SEC61B: variants seen among roughly 807,000 people sequenced by gnomAD.
SEC61B encodes protein transport protein Sec61 subunit beta.
A neutral mutation model predicts 12.6 loss-of-function variants in SEC61B; 7 were observed. The observed-to-expected ratio is 0.55, with a 90% CI of 0.32 to 1.04. SEC61B has a LOEUF of 1.04. SEC61B is among the 50% of genes least tolerant of loss of function. SEC61B has a pLI of 0.05. For missense variants in SEC61B, 107 were observed against 130.1 expected (o/e 0.82, Z 0.86); for synonymous variants, 54 against 50.1 (o/e 1.08, Z -0.33).
intron 2 of SEC61B, among the ~76,000 whole-genome samples, chr9:99,223,339 A>C (rs563246156): frequency 0.055 from 8,314 of 151,668 alleles, 310 homozygotes; most frequent in Non-Finnish European, 0.079. Flanking sequence ...AAACAAAAAA[A>C]AAAAACCGGG....
In SEC61B at chr9:99,227,956, G is replaced by A. The variant is rs1828918307; in HGVS notation, c.159G>A (p.Gly53=). 2 of 1,614,142 alleles carry A rather than the reference G, an allele frequency of 1.2e-6. No homozygotes were observed. Among genetic ancestry groups the A allele is most frequent in the Non-Finnish European group, 1.7e-6 (2 of 1,180,004 alleles). The change falls in exon 3 of 4, where the codon GGG becomes GGA. Residue 53 remains glycine (G), a synonymous_variant. Transcript: ENST00000223641. The stretch of plus-strand genomic sequence containing the variant: ...GCCGCACAACCTCGGCAGGCACCGG[G>A]GGGATGTGGCGATTCTACACAGAAG... ...SAGRTTSAGT[G]GMWRFYTEDS...
intron 2 of SEC61B, among the ~76,000 whole-genome samples, chr9:99,226,263 ACT>A (rs78510294): frequency 0.011 from 1,721 of 152,064 alleles, 11 homozygotes; most frequent in Non-Finnish European, 0.019. Context: ...CCAGGACTGC[ACT>A]CTCCCACTCC....
At chr9:99,227,869 G>A in intron 2 of SEC61B, 30 bp from the exon 3 acceptor site, 1 of 1,498,370 alleles carries the variant, frequency 6.7e-7, no homozygotes, top group Non-Finnish European at 9.3e-7. Context: ...TTCCAGAAAA[G>A]GCCATTTGTA....
At position 99,222,554 on chromosome 9, in the gene SEC61B, G is replaced by A. The variant is rs375836072; in HGVS notation, c.12G>A (p.Pro4=). Residue 4 remains proline, a synonymous_variant, in exon 2 of 4, where the codon CCG becomes CCA. Transcript: ENST00000223641. ...CTTGTCTCCCTCTACAGCCTGGTCC[G>A]ACCCCCAGTGGCACTAACGTGGGAT... MPG[P]TPSGTNVGSS... The A allele has an allele frequency of 7.3e-5, 116 of 1,581,574 alleles. No homozygotes were observed. Among genetic ancestry groups the A allele is most frequent in the Non-Finnish European group, 9.7e-5 (113 of 1,164,012 alleles).
intron 3 of SEC61B, among the ~76,000 whole-genome samples, chr9:99,229,881 T>A (rs142799126): frequency 1.3e-5 from 2 of 152,252 alleles, no homozygotes; most frequent in East Asian, 1.9e-4. Context: ...AATTAAATTA[T>A]TTTTTGCTAT....
At chr9:99,228,575 C>T (rs1828926358) in intron 3 of SEC61B, among the ~76,000 whole-genome samples, 1 of 152,148 alleles carries the variant, frequency 6.6e-6, no homozygotes, top group Non-Finnish European at 1.5e-5. Flanking sequence ...GTCCAGGGAC[C>T]CCTGTCCCCA....
intron 2 of SEC61B, among the ~76,000 whole-genome samples, chr9:99,226,744 A>G (rs999663065): frequency 1.3e-5 from 2 of 152,114 alleles, no homozygotes; most frequent in Non-Finnish European, 2.9e-5. Context: ...CCGGTGACTG[A>G]GGGCTTCTCC....
chr9:99,228,804 G>A (rs1414687256), intron 3 of SEC61B, among the ~76,000 whole-genome samples: 1 of 152,230 alleles, frequency 6.6e-6, no homozygotes, highest in African/African-American at 2.4e-5. Flanking sequence ...CCAGTGAGGT[G>A]AGAGATGTTA....
chr9:99,226,612 T>C (rs1287404454), intron 2 of SEC61B, among the ~76,000 whole-genome samples: 1 of 152,038 alleles, frequency 6.6e-6, no homozygotes, highest in Non-Finnish European at 1.5e-5. Flanking sequence ...CTGAAGAAAA[T>C]TGCTTGTGAC....
chr9:99,225,714 A>T (rs1296259701), intron 2 of SEC61B, among the ~76,000 whole-genome samples: 1 of 152,222 alleles, frequency 6.6e-6, no homozygotes, highest in Non-Finnish European at 1.5e-5. Context: ...TAGTATTTCT[A>T]GGGGCTCTGG....
intron 2 of SEC61B, among the ~76,000 whole-genome samples, chr9:99,225,671 C>T (rs544388122): frequency 2.6e-5 from 4 of 152,212 alleles, no homozygotes; most frequent in African/African-American, 9.6e-5. Flanking sequence ...ACCTAGCTAC[C>T]CCTAGGGAAT....
In SEC61B at chr9:99,228,016, A is replaced by G. The variant is rs1390435700; in HGVS notation, c.203+16A>G. ...GGCTCAAAGTGTAAGTCTTAGGAAC[A>G]GTCCTTGTGTTTCTGTCCAGTGGCA... On this transcript the variant is annotated intron_variant, in intron 3 of 3. Coordinates refer to ENST00000223641, the MANE Select transcript of SEC61B (RefSeq NM_006808.3). 3 of 1,595,180 alleles carry G rather than the reference A, an allele frequency of 1.9e-6. No homozygotes were observed. Among genetic ancestry groups the G allele is most frequent in the Admixed American group, 3.4e-5 (2 of 59,686 alleles).
intron 3 of SEC61B, among the ~76,000 whole-genome samples, chr9:99,229,649 T>G (rs1402946409): frequency 6.6e-6 from 1 of 152,178 alleles, no homozygotes; most frequent in Non-Finnish European, 1.5e-5. Flanking sequence ...CCCATTGCTC[T>G]TCAGGGGACT....
chr9:99,227,932 C>A lies in SEC61B; in HGVS notation c.135C>A (p.Gly45=), dbSNP rs752036661. 19 of 1,614,010 alleles carry A rather than the reference C, an allele frequency of 1.2e-5. No individual in the cohort carries two copies. The East Asian group carries it at 4.2e-4, about 36-fold the overall frequency. The change falls in exon 3 of 4, where the codon GGC becomes GGA. Residue 45 remains glycine, a synonymous_variant. Transcript: ENST00000223641. ...CCAGCTGTGGGACAAGGAGTGCAGG[C>A]CGCACAACCTCGGCAGGCACCGGGG... is the stretch of plus-strand genomic sequence containing the variant. ...KNASCGTRSA[G]RTTSAGTGGM...
chr9:99,222,411 ACTC>A (rs1351963178), intron 1 of SEC61B, 45 bp downstream of exon 1: 3 of 1,613,076 alleles, frequency 1.9e-6, no homozygotes, highest in Admixed American at 1.7e-5. Flanking sequence ...AGAAGCCCTG[ACTC>A]CTCCTGCTTT....
At position 99,222,314 on chromosome 9, in the gene SEC61B, C is replaced by A. The variant is rs766445483; in HGVS notation, c.-50C>A. 73 of 1,613,914 alleles carry A rather than the reference C, an allele frequency of 4.5e-5. No individual in the cohort carries two copies. Among genetic ancestry groups the A allele is most frequent in the Non-Finnish European group, 6.1e-5 (72 of 1,179,964 alleles). ...CCAGCTGCCGGTCTTTCGGGGGCTCCGTAACTTTCTATCCGTCCGCGTCAG... is the reference window on the plus strand; with the variant it reads ...CCAGCTGCCGGTCTTTCGGGGGCTCAGTAACTTTCTATCCGTCCGCGTCAG... On this transcript the variant is annotated 5_prime_UTR_variant, in exon 1 of 4. Transcript: ENST00000223641.
intron 2 of SEC61B, chr9:99,222,943 C>T (rs1828848512): frequency 3.4e-6 from 1 of 294,006 alleles, no homozygotes; most frequent in Non-Finnish European, 6.3e-6. Flanking sequence ...TTTGCACTCA[C>T]ATTTCCATCT....
At chr9:99,228,901 A>T (rs1222526670) in intron 3 of SEC61B, among the ~76,000 whole-genome samples, 1 of 152,206 alleles carries the variant, frequency 6.6e-6, no homozygotes, top group African/African-American at 2.4e-5. Flanking sequence ...GGATATTCTG[A>T]TTAAGTCCTA....
chr9:99,224,397 A>C (rs1828873883), intron 2 of SEC61B, among the ~76,000 whole-genome samples: 1 of 152,154 alleles, frequency 6.6e-6, no homozygotes. Context: ...GGAATGGAAA[A>C]CATGTCCTGT....
Sources: gnomAD v4.1 joint callset for allele counts (sites outside exome capture counted in the v4.1 genomes callset) on GRCh38, gnomAD v4.1.1 for gene constraint, MANE v1.5 for transcripts, NCBI Gene and HGNC (gene_info 2026-07-23, HGNC 2026-07-21) for gene names.